SLIT3: variants seen among roughly 807,000 people sequenced by gnomAD.
SLIT3 encodes slit guidance ligand 3.
SLIT3 carries 68 observed loss-of-function variants against 184.0 expected under a neutral mutation model. The observed-to-expected ratio is 0.37, with a 90% CI of 0.30 to 0.45. The LOEUF is 0.45. Among genes scored for constraint, SLIT3 ranks in the 20% least tolerant of loss-of-function variants. The pLI is 1.00. For missense variants in SLIT3, 1,707 were observed against 2,026.0 expected, an observed-to-expected ratio of 0.84 and a Z score of 3.02; for synonymous variants, 831 against 828.6, an observed-to-expected ratio of 1.00 and a Z score of -0.05.
At position 168,825,689 on chromosome 5, in the gene SLIT3, G is replaced by C. The variant is rs995456169; in HGVS notation, c.558-2358C>G. Among the ~76,000 whole-genome samples the C allele has an allele frequency of 2.4e-4, 36 of 152,146 alleles. 1 individual carries two copies. Among genetic ancestry groups the C allele is most frequent in the Admixed American group, 2.4e-3 (36 of 15,284 alleles). On this transcript the variant is annotated intron_variant, in intron 6 of 35. Transcript: ENST00000519560. Reference sequence around the variant, plus strand: ...GTGTATGTGGGGAGATGCTCAGTGGGGGATAATCTATCCTGCCTCTGTCCA... The same window carrying C: ...GTGTATGTGGGGAGATGCTCAGTGGCGGATAATCTATCCTGCCTCTGTCCA...
At chr5:169,122,722 C>T (rs1347416364) in intron 4 of SLIT3, among the ~76,000 whole-genome samples, 2 of 152,296 alleles carry the variant, frequency 1.3e-5, no homozygotes, top group South Asian at 2.1e-4. Context: ...TCTATTGGCA[C>T]CACAGGGTTA....
intron 4 of SLIT3, among the ~76,000 whole-genome samples, chr5:169,119,107 T>A (rs1760789157): frequency 1.3e-5 from 2 of 152,218 alleles, no homozygotes; most frequent in African/African-American, 4.8e-5. Flanking sequence ...ACCATGATAC[T>A]TGGACTGCTT....
Position 168,770,719 on chromosome 5 carries a change from C to T in SLIT3, c.1459+2062G>A, listed in dbSNP as rs375598643. On this transcript the variant is annotated intron_variant, in intron 14 of 35. Transcript: ENST00000519560. Reference sequence around the variant, plus strand: ...AGAACCTGGCTCCTTCTCCCTGTTTCTTTTTTAAAATGTTCAGCTTCCCCT... The same window carrying T: ...AGAACCTGGCTCCTTCTCCCTGTTTTTTTTTTAAAATGTTCAGCTTCCCCT... 7.1e-4 allele frequency among the ~76,000 whole-genome samples: 108 copies of T among 152,092 alleles called. 6 individuals carry two copies. In the South Asian group the frequency reaches 0.022, roughly 31 times the overall value.
At chr5:169,143,397 T>C (rs1374255871) in intron 4 of SLIT3, among the ~76,000 whole-genome samples, 50 of 152,224 alleles carry the variant, frequency 3.3e-4, no homozygotes, top group Admixed American at 3.3e-3. Flanking sequence ...GTTATGTGGC[T>C]AAAGGTTAGT....
chr5:169,026,108 T>G (rs1281991136), intron 4 of SLIT3, among the ~76,000 whole-genome samples: 1 of 152,202 alleles, frequency 6.6e-6, no homozygotes, highest in African/African-American at 2.4e-5. Flanking sequence ...AAATGACTCT[T>G]AAGCTCCTGG....
intron 32 of SLIT3, among the ~76,000 whole-genome samples, chr5:168,678,357 C>T (rs1761476526): frequency 6.6e-6 from 1 of 152,150 alleles, no homozygotes; most frequent in Admixed American, 6.6e-5. Context: ...AAAATCATGG[C>T]CGGGCACGGT....
At chr5:168,823,592 C>A (rs938269812) in intron 6 of SLIT3, among the ~76,000 whole-genome samples, 4 of 152,176 alleles carry the variant, frequency 2.6e-5, no homozygotes, top group Non-Finnish European at 5.9e-5. Context: ...AAGAGTATCG[C>A]TTCCTGAAAC....
At chr5:168,883,376 A>C (rs1338273571) in intron 4 of SLIT3, 40 bp from the exon 5 acceptor site, 1 of 1,484,840 alleles carries the variant, frequency 6.7e-7, no homozygotes, top group Admixed American at 1.7e-5. Context: ...TTAAAGACCC[A>C]GGCTGTCTTG....
chr5:169,226,579 G>C (rs1764818960), intron 3 of SLIT3, among the ~76,000 whole-genome samples: 1 of 152,150 alleles, frequency 6.6e-6, no homozygotes, highest in South Asian at 2.1e-4. Flanking sequence ...CCACCTTGCA[G>C]GCTAGCTCAG....
chr5:169,089,702 C>T (rs1420502822), intron 4 of SLIT3, among the ~76,000 whole-genome samples: 1 of 152,156 alleles, frequency 6.6e-6, no homozygotes, highest in Non-Finnish European at 1.5e-5. Flanking sequence ...GCCCTAAGGA[C>T]CCTCCATCCT....
At chr5:168,772,334 G>A (rs1457670040) in intron 14 of SLIT3, 11 of 182,512 alleles carry the variant, frequency 6.0e-5, no homozygotes, top group Non-Finnish European at 9.2e-5. Context: ...GTCTGTCTCC[G>A]AAGGGAGTGG....
At chr5:169,007,925 C>A (rs1040373864) in intron 4 of SLIT3, among the ~76,000 whole-genome samples, 6 of 152,158 alleles carry the variant, frequency 3.9e-5, no homozygotes, top group African/African-American at 1.4e-4. Context: ...TATAGGACAC[C>A]AAACAGAGAT....
chr5:168,816,950 A>G (rs888792521), intron 8 of SLIT3, among the ~76,000 whole-genome samples: 1 of 152,358 alleles, frequency 6.6e-6, no homozygotes, highest in East Asian at 1.9e-4. Context: ...CAATGGGACG[A>G]CAGGAACATG....
chr5:168,854,460 G>A (rs1394151031), intron 5 of SLIT3, among the ~76,000 whole-genome samples: 2 of 152,172 alleles, frequency 1.3e-5, no homozygotes, highest in South Asian at 2.1e-4. Context: ...CACTGGGAAT[G>A]GTAACTGATT....
At chr5:169,278,959 G>C (rs1402658189) in intron 1 of SLIT3, among the ~76,000 whole-genome samples, 1 of 152,154 alleles carries the variant, frequency 6.6e-6, no homozygotes, top group African/African-American at 2.4e-5. Flanking sequence ...AGAATTCATG[G>C]TACGGGGGCT....
At chr5:169,233,701 A>G (rs1218939730) in intron 3 of SLIT3, among the ~76,000 whole-genome samples, 1 of 152,212 alleles carries the variant, frequency 6.6e-6, no homozygotes, top group Non-Finnish European at 1.5e-5. Flanking sequence ...CATGTAATCC[A>G]TCATTTAAAT....
chr5:169,129,289 T>C (rs192453368), intron 4 of SLIT3, among the ~76,000 whole-genome samples: 40 of 152,286 alleles, frequency 2.6e-4, no homozygotes, highest in African/African-American at 8.2e-4. Flanking sequence ...TGGTGGCTCA[T>C]GCCTGTAATC....
chr5:168,782,950 T>C lies in SLIT3; in HGVS notation c.1151+2957A>G, dbSNP rs138560555. The stretch of plus-strand genomic sequence containing the variant: ...ATTTTCAAACATCTGAAGACAATGA[T>C]AACAGACTTTTCTGAGTTTTCTAGA... On this transcript the variant is annotated intron_variant, in intron 12 of 35. Coordinates refer to ENST00000519560, the MANE Select transcript of SLIT3 (RefSeq NM_003062.4). Among the ~76,000 whole-genome samples the C allele has an allele frequency of 2.4e-4, 37 of 152,352 alleles. 1 individual carries two copies. The East Asian group carries it at 6.8e-3, about 28-fold the overall frequency.
At position 168,666,346 on chromosome 5, in the gene SLIT3, T is replaced by C. The variant is rs1761041102; in HGVS notation, c.*108A>G. 1 of 1,072,260 alleles carries C rather than the reference T, an allele frequency of 9.3e-7. No homozygotes were observed. Among genetic ancestry groups the C allele is most frequent in the Non-Finnish European group, 1.3e-6 (1 of 782,538 alleles). 66.4% of individuals were successfully genotyped at this position (1,072,260 alleles called of 1,614,324 possible). On this transcript the variant is annotated 3_prime_UTR_variant, in exon 36 of 36. Transcript: ENST00000519560. Reference sequence around the variant, plus strand: ...CTTAATATTCTCTTCTTCTTTACCTTCCTCTCCAGCTTCATTTCCTTCATG... The same window carrying C: ...CTTAATATTCTCTTCTTCTTTACCTCCCTCTCCAGCTTCATTTCCTTCATG...
Sources: gnomAD v4.1 joint callset for allele counts (sites outside exome capture counted in the v4.1 genomes callset) on GRCh38, gnomAD v4.1.1 for gene constraint, MANE v1.5 for transcripts, NCBI Gene and HGNC (gene_info 2026-07-23, HGNC 2026-07-21) for gene names.